DNAAF5: variants seen among roughly 807,000 people sequenced by gnomAD.
DNAAF5 encodes dynein axonemal assembly factor 5.
DNAAF5 carries 64 observed loss-of-function variants against 75.8 expected under a neutral mutation model. The observed-to-expected ratio is 0.84, with a 90% CI of 0.69 to 1.04. The LOEUF (loss-of-function observed/expected upper bound fraction) is 1.04, where lower values mean the gene tolerates loss of function less well. DNAAF5 is among the 50% of genes least tolerant of loss of function. DNAAF5 has a pLI of 0.00. For synonymous variants in DNAAF5, 657 were observed against 557.2 expected (o/e 1.18, Z -2.52); for missense variants, 1,269 against 1,178.5 (o/e 1.08, Z -1.12).
rs1782144154 is a variant in DNAAF5 at position 747,203 on chromosome 7, T to C, written c.1024+5738T>C. Among the ~76,000 whole-genome samples, 3 of 152,262 alleles carry C rather than the reference T, an allele frequency of 2.0e-5. 1 individual carries two copies. Among genetic ancestry groups the C allele is most frequent in the African/African-American group, 7.2e-5 (3 of 41,462 alleles). On this transcript the variant is annotated intron_variant, in intron 4 of 12. Transcript: ENST00000297440. ...GTTAGAAACTCACCACACACTGTTT[T>C]CCACACCCTTCGCGCCATGTCGCAT...
At chr7:760,724 C>T (rs1004184065) in intron 6 of DNAAF5, among the ~76,000 whole-genome samples, 2 of 152,222 alleles carry the variant, frequency 1.3e-5, no homozygotes, top group Admixed American at 6.5e-5. Context: ...GTCCAGCACA[C>T]GCCTGCTGTG....
Position 726,867 on chromosome 7 carries a change from CT to C in DNAAF5, c.149del (p.Leu50TrpfsTer36). 1 of 1,320,520 alleles carries C rather than the reference CT, an allele frequency of 7.6e-7. No individual in the cohort carries two copies. The allele number at this position is 1,320,520 out of a possible 1,614,324, so 81.8% of individuals were successfully genotyped here. On this transcript the variant is annotated frameshift_variant, in exon 1 of 13. Transcript: ENST00000297440. LOFTEE classifies it high-confidence loss of function. ...ACAGCAAGCCGGGCCGGCGGCGCGC[CT>C]TGGAGGCCCTGCGGCGCGCGCTGGA... is the stretch of plus-strand genomic sequence containing the variant. The part of the protein sequence containing the change: ...ADSKPGRRRA[L>X]EALRRALEEP...
rs184844182 is a variant in DNAAF5 at position 762,505 on chromosome 7, G to A, written c.1614+609G>A. On this transcript the variant is annotated intron_variant, in intron 7 of 12. Coordinates refer to ENST00000297440, the MANE Select transcript of DNAAF5 (RefSeq NM_017802.4). ...AGACTCCGTCCAAAAAAAAAAAAAA[G>A]TGCATGTGCATGTGTGACTGAGTCG... Among the ~76,000 whole-genome samples the A allele has an allele frequency of 8.7e-3, 1,284 of 148,234 alleles. 88 individuals are homozygous for A. The East Asian group carries it at 0.17, about 20-fold the overall frequency.
chr7:739,922 G>A (rs781598035), intron 2 of DNAAF5, among the ~76,000 whole-genome samples: 46 of 152,178 alleles, frequency 3.0e-4, no homozygotes, highest in Admixed American at 1.1e-3. Flanking sequence ...GGCTGTGAGC[G>A]CTATTGCTAA....
At chr7:730,835 C>A (rs1357276521) in intron 2 of DNAAF5, among the ~76,000 whole-genome samples, 1 of 152,188 alleles carries the variant, frequency 6.6e-6, no homozygotes, top group African/African-American at 2.4e-5. Flanking sequence ...ATCAGGCCAG[C>A]GGAAGTTGAG....
At chr7:757,978 C>T (rs1164291871) in intron 6 of DNAAF5, among the ~76,000 whole-genome samples, 1 of 152,184 alleles carries the variant, frequency 6.6e-6, no homozygotes, top group Non-Finnish European at 1.5e-5. Flanking sequence ...TGTTGACAGT[C>T]ATTTTTGTAA....
intron 2 of DNAAF5, among the ~76,000 whole-genome samples, chr7:731,803 A>G (rs942292163): frequency 6.6e-6 from 1 of 151,388 alleles, no homozygotes; most frequent in African/African-American, 2.4e-5. Context: ...CCTATTAGAG[A>G]CCCTGCACGG....
intron 8 of DNAAF5, among the ~76,000 whole-genome samples, chr7:764,926 G>A (rs1016638817): frequency 6.6e-6 from 1 of 151,998 alleles, no homozygotes; most frequent in African/African-American, 2.4e-5. Context: ...GAAAAAAACC[G>A]CACGTGCACC....
At chr7:742,840 CA>C (rs1554251607) in intron 4 of DNAAF5, among the ~76,000 whole-genome samples, 2 of 8,656 alleles carry the variant, frequency 2.3e-4, no homozygotes, top group Non-Finnish European at 8.0e-4. Flanking sequence ...CAATCATGCC[CA>C]GCTCAAATCA....
Position 739,060 on chromosome 7 carries a change from G to A in DNAAF5, c.781-1759G>A, listed in dbSNP as rs115404467. Among the ~76,000 whole-genome samples the A allele has an allele frequency of 1.8e-3, 258 of 144,108 alleles. 3 individuals are homozygous for A. Among genetic ancestry groups the A allele is most frequent in the African/African-American group, 7.1e-3 (248 of 34,704 alleles). 94.5% of individuals were successfully genotyped at this position (144,108 alleles called of 152,430 possible). A position where few individuals can be genotyped will look rare whatever the true frequency, so the allele number is the denominator to read the frequency against. ...CCATCACTGTACACCTGTTTGGGCTGGGGGCTGGCTGCAGTCTGGCTTGTC... is the reference window on the plus strand; with the variant it reads ...CCATCACTGTACACCTGTTTGGGCTAGGGGCTGGCTGCAGTCTGGCTTGTC... On this transcript the variant is annotated intron_variant, in intron 2 of 12. Coordinates refer to ENST00000297440, the MANE Select transcript of DNAAF5 (RefSeq NM_017802.4).
chr7:769,421 G>T lies in DNAAF5; in HGVS notation c.1784-1050G>T, dbSNP rs1012955974. ...TACAGGGAGGCGGGGCGGCCCTACT[G>T]CAGTGGGGACCCCTTGGGGCGTAGG... On this transcript the variant is annotated intron_variant, in intron 8 of 12. Transcript: ENST00000297440. Among the ~76,000 whole-genome samples, 23 of 152,312 alleles carry T rather than the reference G, an allele frequency of 1.5e-4. 1 individual carries two copies. Among genetic ancestry groups the T allele is most frequent in the Admixed American group, 1.4e-3 (21 of 15,306 alleles).
intron 6 of DNAAF5, among the ~76,000 whole-genome samples, chr7:761,091 C>T (rs1021320584): frequency 1.3e-5 from 2 of 152,212 alleles, no homozygotes; most frequent in Non-Finnish European, 2.9e-5. Context: ...TCACAGGTGC[C>T]GTGTGCATCA....
chr7:783,158 G>C (rs1291800611), intron 12 of DNAAF5, among the ~76,000 whole-genome samples: 1 of 152,252 alleles, frequency 6.6e-6, no homozygotes, highest in Non-Finnish European at 1.5e-5. Flanking sequence ...GCCGTGCTCT[G>C]CCAGATCCCG....
chr7:771,548 C>T (rs890978313), intron 9 of DNAAF5: 2 of 152,288 alleles, frequency 1.3e-5, no homozygotes, highest in African/African-American at 4.8e-5. Context: ...TGACCCTCAT[C>T]TCTGCTCTCG....
At chr7:752,641 C>T (rs915142031) in intron 4 of DNAAF5, among the ~76,000 whole-genome samples, 3 of 147,848 alleles carry the variant, frequency 2.0e-5, no homozygotes, top group Non-Finnish European at 3.0e-5. Context: ...AGAGCTAGGA[C>T]GAAGGCTTCG....
chr7:729,572 C>A, intron 1 of DNAAF5, 91 bp from the exon 2 acceptor site: 1 of 1,256,836 alleles, frequency 8.0e-7, no homozygotes, highest in Non-Finnish European at 1.1e-6. Context: ...GTGAGGAACT[C>A]ATAGGCAGGC....
chr7:775,252 C>T (rs1467373926), intron 11 of DNAAF5, 90 bp downstream of exon 11: 8 of 1,207,854 alleles, frequency 6.6e-6, no homozygotes, highest in Non-Finnish European at 9.7e-6. Flanking sequence ...GTCACCCAAA[C>T]TCAGATCAAA....
At chr7:784,662 AAG>A in intron 12 of DNAAF5, among the ~76,000 whole-genome samples, 1 of 152,196 alleles carries the variant, frequency 6.6e-6, no homozygotes. Context: ...AACCCTCCGT[AAG>A]CATGGGTTCA....
intron 2 of DNAAF5, 76 bp from the exon 3 acceptor site, chr7:740,743 T>G (rs947215543): frequency 1.1e-5 from 18 of 1,581,164 alleles, no homozygotes; most frequent in African/African-American, 2.7e-5. Flanking sequence ...ATGGCAGCAC[T>G]CAGAGCCGCA....
Sources: allele counts gnomAD v4.1 joint callset (sites outside exome capture counted in the v4.1 genomes callset), GRCh38; gene constraint gnomAD v4.1.1; transcripts MANE v1.5; gene names NCBI Gene and HGNC (gene_info 2026-07-23, HGNC 2026-07-21).